KLHL20: variants seen among roughly 807,000 people sequenced by gnomAD.
The protein encoded by KLHL20 is kelch-like protein 20.
A neutral mutation model predicts 69.5 loss-of-function variants in KLHL20; 29 were observed. That is an observed-to-expected ratio of 0.42 (90% CI 0.31 to 0.57). The LOEUF is 0.57. Among genes scored for constraint, KLHL20 ranks in the 20% least tolerant of loss-of-function variants. KLHL20 has a pLI of 0.18. For synonymous variants in KLHL20, 253 were observed against 265.2 expected, an observed-to-expected ratio of 0.95 and a Z score of 0.45; for missense variants, 419 against 776.0, an observed-to-expected ratio of 0.54 and a Z score of 5.47.
At chr1:173,732,725 A>G (rs892892292) in intron 2 of KLHL20, among the ~76,000 whole-genome samples, 5 of 152,210 alleles carry the variant, frequency 3.3e-5, no homozygotes, top group African/African-American at 1.2e-4. Context: ...TTATTTATAA[A>G]TTGAAGAATG....
At chr1:173,731,740 G>A (rs972453863) in intron 2 of KLHL20, among the ~76,000 whole-genome samples, 12 of 150,784 alleles carry the variant, frequency 8.0e-5, no homozygotes, top group African/African-American at 2.7e-4. Flanking sequence ...GGGAGGGATA[G>A]CATTAGGAGA....
chr1:173,782,155 T>C lies in KLHL20; in HGVS notation c.1670T>C (p.Met557Thr). ...CTGGCAGTGGTCAATGGACAGCTCATGGCAGTAGGAGGTTTTGATGGCACA... is the reference window on the plus strand; with the variant it reads ...CTGGCAGTGGTCAATGGACAGCTCACGGCAGTAGGAGGTTTTGATGGCACA... ...VGLAVVNGQL[M>T]AVGGFDGTTY... The change falls in exon 11 of 12, where the codon ATG (methionine) becomes ACG (threonine). Residue 557 changes from methionine (M) to threonine (T), a missense_variant. Met to Thr is a moderately conservative substitution (Grantham distance 81, BLOSUM62 -1). This residue lies in a region of KLHL20 where 79 missense variants were observed against 154.4 expected (regional missense o/e 0.51). Coordinates refer to ENST00000209884, the MANE Select transcript of KLHL20 (RefSeq NM_014458.4). 1.4e-5 allele frequency: 23 copies of C among 1,614,168 alleles called. No individual in the cohort carries two copies. The highest frequency in any genetic ancestry group is 1.9e-5 in the Non-Finnish European group (22 of 1,179,994).
At position 173,786,438 on chromosome 1, in the gene KLHL20, T is replaced by C. The variant is rs914857357; in HGVS notation, c.*1191T>C. The C allele has an allele frequency of 6.6e-6, 1 of 152,584 alleles. No homozygotes were observed. The highest frequency in any genetic ancestry group is 1.5e-5 in the Non-Finnish European group (1 of 68,024). 9.5% of individuals were successfully genotyped at this position (152,584 alleles called of 1,614,324 possible). On this transcript the variant is annotated 3_prime_UTR_variant, in exon 12 of 12. Coordinates refer to ENST00000209884, the MANE Select transcript of KLHL20 (RefSeq NM_014458.4). ...AAGTTTTTTTTCCTCATTGTATTCA[T>C]AGACAAATTTTTTTCAATATATTTT... is the stretch of plus-strand genomic sequence containing the variant.
chr1:173,758,415 T>A (rs1673650694), intron 7 of KLHL20, among the ~76,000 whole-genome samples: 1 of 152,090 alleles, frequency 6.6e-6, no homozygotes, highest in Admixed American at 6.5e-5. Context: ...CCGGGCAACA[T>A]GCGGAGGCTT....
rs748765060 is a variant in KLHL20 at position 173,770,691 on chromosome 1, AAGAG to A, written c.1296-3609_1296-3606del. On this transcript the variant is annotated intron_variant, in intron 8 of 11. Transcript: ENST00000209884. ...GCAAAACTCTCTCTCAAAAAAAAAA[AAGAG>A]AGAGGAAAAAAAAAAACAAGAGATA... Among the ~76,000 whole-genome samples the A allele has an allele frequency of 3.8e-3, 582 of 151,946 alleles. 5 individuals are homozygous for A. The highest frequency in any genetic ancestry group is 0.013 in the African/African-American group (541 of 41,344).
intron 8 of KLHL20, among the ~76,000 whole-genome samples, chr1:173,773,203 C>T (rs982511814): frequency 2.0e-4 from 30 of 151,430 alleles, no homozygotes; most frequent in African/African-American, 6.5e-4. Flanking sequence ...AACTTGTGGC[C>T]TCAAGCAGTC....
intron 7 of KLHL20, among the ~76,000 whole-genome samples, chr1:173,761,277 C>G (rs1463441533): frequency 2.0e-5 from 3 of 152,100 alleles, no homozygotes; most frequent in African/African-American, 7.2e-5. Context: ...GACAGCAACA[C>G]AATAATAGTG....
intron 2 of KLHL20, among the ~76,000 whole-genome samples, chr1:173,724,791 C>G (rs887202368): frequency 1.3e-5 from 2 of 152,052 alleles, no homozygotes; most frequent in African/African-American, 4.8e-5. Flanking sequence ...GGTGACAGAG[C>G]AAGACCCTGT....
intron 3 of KLHL20, 64 bp from the exon 4 acceptor site, chr1:173,751,700 A>G: frequency 2.0e-6 from 3 of 1,528,140 alleles, no homozygotes; most frequent in Non-Finnish European, 2.7e-6. Context: ...AACCCTGAAG[A>G]AAAACACTGA....
At chr1:173,755,275 T>C (rs1380666529) in intron 5 of KLHL20, among the ~76,000 whole-genome samples, 1 of 152,088 alleles carries the variant, frequency 6.6e-6, no homozygotes, top group Non-Finnish European at 1.5e-5. Flanking sequence ...GCCAGGATGG[T>C]CTCAATCTCT....
In KLHL20 at chr1:173,727,242, G is replaced by A. The variant is rs563135968; in HGVS notation, c.24-6471G>A. Among the ~76,000 whole-genome samples the A allele has an allele frequency of 8.7e-4, 132 of 151,770 alleles. 3 individuals carry two copies. In the South Asian group the frequency reaches 0.013, roughly 15 times the overall value. The stretch of plus-strand genomic sequence containing the variant: ...ACGAGCAAAGCCTCCAAGAAATATC[G>A]GAGTATGTGAAAAGACCAAATCTAC... On this transcript the variant is annotated intron_variant, in intron 2 of 11. Coordinates refer to ENST00000209884, the MANE Select transcript of KLHL20 (RefSeq NM_014458.4).
At chr1:173,772,326 A>G (rs1403486639) in intron 8 of KLHL20, among the ~76,000 whole-genome samples, 2 of 152,248 alleles carry the variant, frequency 1.3e-5, no homozygotes, top group Admixed American at 6.5e-5. Flanking sequence ...TCAGGAGCCA[A>G]CTTGAAGATG....
intron 2 of KLHL20, among the ~76,000 whole-genome samples, chr1:173,719,974 C>T (rs1488299072): frequency 6.6e-6 from 1 of 152,006 alleles, no homozygotes; most frequent in East Asian, 1.9e-4. Context: ...ACAGTATTGG[C>T]GTGGTACAGT....
intron 2 of KLHL20, among the ~76,000 whole-genome samples, chr1:173,723,283 G>A (rs1047537719): frequency 4.6e-5 from 7 of 152,130 alleles, no homozygotes; most frequent in Non-Finnish European, 7.3e-5. Flanking sequence ...TAGCTCTGTG[G>A]TTAAAAGCAT....
chr1:173,731,339 C>T (rs940193857), intron 2 of KLHL20, among the ~76,000 whole-genome samples: 1 of 152,138 alleles, frequency 6.6e-6, no homozygotes, highest in Non-Finnish European at 1.5e-5. Context: ...ACTAGAAATA[C>T]CATTTGACCC....
chr1:173,719,067 T>C (rs1671597186), intron 2 of KLHL20, among the ~76,000 whole-genome samples: 1 of 138,802 alleles, frequency 7.2e-6, no homozygotes, highest in South Asian at 2.2e-4. Flanking sequence ...ATTGCGCCAC[T>C]GCAATCCGGC....
chr1:173,720,916 G>A (rs1170779193), intron 2 of KLHL20, among the ~76,000 whole-genome samples: 1 of 152,098 alleles, frequency 6.6e-6, no homozygotes, highest in African/African-American at 2.4e-5. Flanking sequence ...GAGATATCCA[G>A]CATGTGATTG....
At chr1:173,726,859 A>G (rs922229655) in intron 2 of KLHL20, among the ~76,000 whole-genome samples, 3 of 152,230 alleles carry the variant, frequency 2.0e-5, no homozygotes, top group Non-Finnish European at 4.4e-5. Context: ...CTCCAAAGGA[A>G]CACAGCTCCT....
In KLHL20 at chr1:173,764,482, C is replaced by T. The variant is rs560808726; in HGVS notation, c.1152-1664C>T. ...AAATCGTGGAAGCAAACCAAATGTC[C>T]GTCAATCAATGAGTGGATAAAGAAA... On this transcript the variant is annotated intron_variant, in intron 7 of 11. Transcript: ENST00000209884. 1.4e-4 allele frequency among the ~76,000 whole-genome samples: 21 copies of T among 152,238 alleles called. No individual in the cohort carries two copies. In the South Asian group the frequency reaches 1.4e-3, roughly 11 times the overall value.
Sources: allele counts gnomAD v4.1 joint callset (sites outside exome capture counted in the v4.1 genomes callset), GRCh38; gene constraint gnomAD v4.1.1; regional missense constraint gnomAD v4.1.1; transcripts MANE v1.5; gene names NCBI Gene and HGNC (gene_info 2026-07-23, HGNC 2026-07-21).